CFAP52: variants seen among roughly 807,000 people sequenced by gnomAD.
CFAP52 encodes the protein cilia- and flagella-associated protein 52.
Under a neutral mutation model 70.5 loss-of-function variants are expected in CFAP52, and 57 were observed. The observed-to-expected ratio is 0.81, with a 90% confidence interval of 0.65 to 1.01. CFAP52 has a LOEUF of 1.01. CFAP52 is among the 50% of genes least tolerant of loss of function. The pLI, the probability that CFAP52 is intolerant of heterozygous loss-of-function variation, is 0.00. For synonymous variants in CFAP52, 267 were observed against 292.5 expected, an observed-to-expected ratio of 0.91 and a Z score of 0.89; for missense variants, 785 against 788.5, an observed-to-expected ratio of 1.00 and a Z score of 0.05.
intron 11 of CFAP52, 46 bp from the exon 12 acceptor site, chr17:9,638,563 A>G: frequency 6.3e-7 from 1 of 1,575,714 alleles, no homozygotes; most frequent in Non-Finnish European, 8.7e-7. Flanking sequence ...TAAATTTCCT[A>G]GGGAAGAGAA....
At chr17:9,586,568 C>CAAA (rs11296135) in intron 2 of CFAP52, 130 bp from the exon 3 acceptor site, 51 of 894,704 alleles carry the variant, frequency 5.7e-5, no homozygotes, top group South Asian at 1.9e-4. Context: ...TCCGTCTCAA[C>CAAA]AAAAAAAAAA....
chr17:9,636,701 T>G (rs1285226234), intron 11 of CFAP52, among the ~76,000 whole-genome samples: 1 of 151,334 alleles, frequency 6.6e-6, no homozygotes, highest in Non-Finnish European at 1.5e-5. Flanking sequence ...ACAAAGAACA[T>G]GAGATACGCT....
At chr17:9,624,396 A>C (rs1376285576) in intron 8 of CFAP52, among the ~76,000 whole-genome samples, 1 of 152,098 alleles carries the variant, frequency 6.6e-6, no homozygotes, top group African/African-American at 2.4e-5. Context: ...ATCTCTATTA[A>C]ATCTACCTTC....
chr17:9,636,063 A>T (rs1340367298), intron 11 of CFAP52, among the ~76,000 whole-genome samples: 1 of 151,902 alleles, frequency 6.6e-6, no homozygotes, highest in Non-Finnish European at 1.5e-5. Flanking sequence ...AATCCCAGCT[A>T]CTTGGGAGGC....
chr17:9,581,843 C>G (rs1193599515), intron 1 of CFAP52, among the ~76,000 whole-genome samples: 2 of 152,132 alleles, frequency 1.3e-5, no homozygotes, highest in African/African-American at 4.8e-5. Context: ...TCAGACATTC[C>G]CACTCCGCAG....
chr17:9,616,363 C>G (rs565058842), intron 8 of CFAP52, among the ~76,000 whole-genome samples: 136 of 117,872 alleles, frequency 1.2e-3, no homozygotes, highest in African/African-American at 4.2e-3. Context: ...CACGGAATCT[C>G]GCTGATTGCT....
chr17:9,596,904 A>G (rs923330042), intron 4 of CFAP52, among the ~76,000 whole-genome samples: 3 of 152,014 alleles, frequency 2.0e-5, no homozygotes, highest in African/African-American at 7.2e-5. Flanking sequence ...TTTAATAGAG[A>G]CGGGGTTTTC....
chr17:9,580,905 T>C (rs1908195331), intron 1 of CFAP52, among the ~76,000 whole-genome samples: 1 of 152,252 alleles, frequency 6.6e-6, no homozygotes, highest in Non-Finnish European at 1.5e-5. Context: ...TTTTAAGAAC[T>C]TGAATCACTT....
intron 3 of CFAP52, among the ~76,000 whole-genome samples, chr17:9,587,425 G>A (rs1173536653): frequency 6.6e-6 from 1 of 152,152 alleles, no homozygotes; most frequent in Non-Finnish European, 1.5e-5. Context: ...TCTGTTTTTA[G>A]CTGTTTGAGG....
At chr17:9,586,316 C>T (rs781029748) in intron 2 of CFAP52, among the ~76,000 whole-genome samples, 1 of 152,106 alleles carries the variant, frequency 6.6e-6, no homozygotes, top group African/African-American at 2.4e-5. Context: ...GTAATCCCAG[C>T]ACTTTGGGAG....
In CFAP52 at chr17:9,612,431, T is replaced by C; in HGVS notation, c.977T>C (p.Leu326Pro). 1 of 1,614,212 alleles carries C rather than the reference T, an allele frequency of 6.2e-7. No individual in the cohort carries two copies. The highest frequency in any genetic ancestry group is 1.7e-5 in the Admixed American group (1 of 60,024). The change falls in exon 8 of 14, where the codon CTC (leucine) becomes CCC (proline). Residue 326 changes from leucine (L) to proline (P), a missense_variant. Coordinates refer to ENST00000352665, the MANE Select transcript of CFAP52 (RefSeq NM_145054.5). ...RVSFTDFKET[L>P]IATCHFDAVE... is the part of the protein sequence containing the mutation. ...AGCTTCACGGATTTCAAAGAGACGC[T>C]CATAGCGACTTGTCACTTTGATGCT...
At chr17:9,622,137 A>C (rs1376080457) in intron 8 of CFAP52, among the ~76,000 whole-genome samples, 1 of 152,186 alleles carries the variant, frequency 6.6e-6, no homozygotes, top group Non-Finnish European at 1.5e-5. Context: ...TCCTGTGTTG[A>C]AATTATTTGG....
intron 8 of CFAP52, among the ~76,000 whole-genome samples, chr17:9,625,906 A>T (rs566453861): frequency 2.0e-5 from 3 of 152,306 alleles, no homozygotes; most frequent in African/African-American, 7.2e-5. Context: ...TACAGCTCTT[A>T]TCTGGCTGAT....
chr17:9,629,951 G>A (rs191527919), intron 9 of CFAP52, among the ~76,000 whole-genome samples: 6 of 151,808 alleles, frequency 4.0e-5, no homozygotes, highest in Non-Finnish European at 7.4e-5. Flanking sequence ...CCCACCCTGC[G>A]CATGTCTTCT....
At chr17:9,592,260 C>T (rs1908796905) in intron 3 of CFAP52, among the ~76,000 whole-genome samples, 1 of 151,926 alleles carries the variant, frequency 6.6e-6, no homozygotes, top group Non-Finnish European at 1.5e-5. Flanking sequence ...GTCAGGAGTT[C>T]GAGAACAGCC....
At position 9,585,833 on chromosome 17, in the gene CFAP52, G is replaced by A. The variant is rs1415806021; in HGVS notation, c.131G>A (p.Gly44Asp). 6.2e-7 allele frequency: 1 copy of A among 1,614,012 alleles called. No individual in the cohort carries two copies. The change falls in exon 2 of 14, where the codon GGT becomes GAT. Residue 44 changes from glycine (G) to aspartate (D), a missense_variant. Gly to Asp is a moderately conservative substitution (Grantham distance 94). Transcript: ENST00000352665. ...PDQEHMIYPL[G>D]CTVLIQAINT... ...CAGGAGCATATGATTTATCCTCTTG[G>A]TTGCACAGTCCTCATTCAGGCAATA... is the stretch of plus-strand genomic sequence containing the variant.
chr17:9,636,103 T>C (rs113085321), intron 11 of CFAP52, among the ~76,000 whole-genome samples: 2,302 of 150,986 alleles, frequency 0.015, 73 homozygotes, highest in African/African-American at 0.053. Flanking sequence ...GAACCCAGGA[T>C]GCGGAGGTTG....
At chr17:9,641,881 A>G in intron 13 of CFAP52, 46 bp downstream of exon 13, 1 of 1,518,656 alleles carries the variant, frequency 6.6e-7, no homozygotes. Flanking sequence ...TATTTAGACG[A>G]GGACATGGAA....
At chr17:9,632,544 T>A (rs1199376914) in intron 9 of CFAP52, among the ~76,000 whole-genome samples, 1 of 152,070 alleles carries the variant, frequency 6.6e-6, no homozygotes, top group East Asian at 1.9e-4. Context: ...GTGCCTTGGA[T>A]GAAGGAGGTA....
Sources: allele counts gnomAD v4.1 joint callset (sites outside exome capture counted in the v4.1 genomes callset), GRCh38; gene constraint gnomAD v4.1.1; transcripts MANE v1.5; gene names NCBI Gene and HGNC (gene_info 2026-07-23, HGNC 2026-07-21).